Variants in MDFIC2 observed in about 807,000 individuals in gnomAD.
MDFIC2 encodes MyoD family inhibitor domain containing 2, also known as myoD family inhibitor domain-containing protein 2.
At chr3:70,289,003 A>G (rs1181435590) in intron 2 of MDFIC2, among the ~76,000 whole-genome samples, 1 of 152,100 alleles carries the variant, frequency 6.6e-6, no homozygotes, top group East Asian at 1.9e-4. Context: ...TGGGTCTTAA[A>G]TCTTTATCCA....
chr3:70,200,424 C>T (rs566040565), intron 3 of MDFIC2, among the ~76,000 whole-genome samples: 1 of 152,300 alleles, frequency 6.6e-6, no homozygotes, highest in African/African-American at 2.4e-5. Context: ...TCCAGCCACA[C>T]TGACTAAATT....
At chr3:70,236,581 G>T (rs1203690524) in intron 2 of MDFIC2, among the ~76,000 whole-genome samples, 3 of 151,972 alleles carry the variant, frequency 2.0e-5, no homozygotes, top group African/African-American at 7.2e-5. Flanking sequence ...CCTGTAAATT[G>T]ACCCTTATTT....
intron 2 of MDFIC2, among the ~76,000 whole-genome samples, chr3:70,296,017 A>G (rs1480524293): frequency 1.3e-5 from 2 of 152,188 alleles, no homozygotes; most frequent in Admixed American, 1.3e-4. Context: ...AACTGTGGCT[A>G]ACATGCATTA....
chr3:70,287,840 T>C (rs1346552490), intron 2 of MDFIC2, among the ~76,000 whole-genome samples: 3 of 151,678 alleles, frequency 2.0e-5, no homozygotes, highest in Non-Finnish European at 4.4e-5. Context: ...TCTAGTTTAT[T>C]TGCGTAGAGG....
chr3:70,223,105 C>T (rs1203834870), intron 2 of MDFIC2, among the ~76,000 whole-genome samples: 1 of 152,042 alleles, frequency 6.6e-6, no homozygotes, highest in Non-Finnish European at 1.5e-5. Flanking sequence ...TATGGCCAAC[C>T]CTCTGACACC....
intron 2 of MDFIC2, among the ~76,000 whole-genome samples, chr3:70,229,771 C>T (rs1008731081): frequency 6.6e-6 from 1 of 152,132 alleles, no homozygotes; most frequent in African/African-American, 2.4e-5. Flanking sequence ...TATCTATCTG[C>T]ATTGAGATTT....
chr3:70,245,671 T>A (rs1369568285), intron 2 of MDFIC2, among the ~76,000 whole-genome samples: 10 of 57,236 alleles, frequency 1.7e-4, no homozygotes, highest in South Asian at 8.0e-4. Flanking sequence ...GCAAACTGCT[T>A]TATATATATA....
chr3:70,255,139 A>T (rs182171813), intron 2 of MDFIC2, among the ~76,000 whole-genome samples: 1 of 152,340 alleles, frequency 6.6e-6, no homozygotes, highest in East Asian at 1.9e-4. Context: ...TTCTTAAACC[A>T]TGCTGCTCCT....
At chr3:70,287,704 G>A (rs1702181162) in intron 2 of MDFIC2, among the ~76,000 whole-genome samples, 1 of 151,834 alleles carries the variant, frequency 6.6e-6, no homozygotes, top group African/African-American at 2.4e-5. Context: ...CTTTTTGGTT[G>A]GTAAGCTATT....
At chr3:70,241,295 G>A (rs1701665894) in intron 2 of MDFIC2, among the ~76,000 whole-genome samples, 1 of 152,086 alleles carries the variant, frequency 6.6e-6, no homozygotes, top group Admixed American at 6.6e-5. Context: ...GCAAATTATT[G>A]CTGGAACTCA....
intron 2 of MDFIC2, among the ~76,000 whole-genome samples, chr3:70,295,426 A>G (rs573516009): frequency 7.9e-5 from 12 of 152,326 alleles, no homozygotes; most frequent in Non-Finnish European, 4.4e-5. Flanking sequence ...ATGAAAGCCC[A>G]GACATGGTGG....
chr3:70,279,688 G>A (rs1702062236), intron 2 of MDFIC2, among the ~76,000 whole-genome samples: 1 of 152,164 alleles, frequency 6.6e-6, no homozygotes. Context: ...ATTTACAGAT[G>A]CAAACACACA....
At chr3:70,229,308 T>A (rs995238968) in intron 2 of MDFIC2, among the ~76,000 whole-genome samples, 1 of 152,184 alleles carries the variant, frequency 6.6e-6, no homozygotes, top group African/African-American at 2.4e-5. Context: ...AGTGCCTATA[T>A]TAGGAATATT....
chr3:70,273,355 A>G (rs1265216742), intron 2 of MDFIC2, among the ~76,000 whole-genome samples: 1 of 152,170 alleles, frequency 6.6e-6, no homozygotes, highest in East Asian at 1.9e-4. Context: ...TTTTCTTCGT[A>G]AAAATGAGAT....
At chr3:70,248,847 T>A (rs1175019533) in intron 2 of MDFIC2, among the ~76,000 whole-genome samples, 1 of 152,122 alleles carries the variant, frequency 6.6e-6, no homozygotes, top group Admixed American at 6.6e-5. Flanking sequence ...GTGGCCTACA[T>A]GACTCAATTG....
intron 2 of MDFIC2, among the ~76,000 whole-genome samples, chr3:70,284,549 A>T (rs1018728133): frequency 6.6e-6 from 1 of 152,300 alleles, no homozygotes; most frequent in East Asian, 1.9e-4. Flanking sequence ...CATATACACC[A>T]CGGAATACTA....
chr3:70,291,474 C>G (rs1702239211), intron 2 of MDFIC2, among the ~76,000 whole-genome samples: 2 of 152,266 alleles, frequency 1.3e-5, no homozygotes, highest in South Asian at 2.1e-4. Flanking sequence ...TTGTCTATAG[C>G]TCTGTTCTTC....
At chr3:70,307,614 G>A (rs770497150) in intron 2 of MDFIC2, among the ~76,000 whole-genome samples, 29 of 151,476 alleles carry the variant, frequency 1.9e-4, no homozygotes, top group African/African-American at 2.9e-4. Context: ...TATTTTTCTC[G>A]CTTCAAGGCT....
chr3:70,219,970 A>G (rs2106736012), intron 2 of MDFIC2, among the ~76,000 whole-genome samples: 1 of 152,282 alleles, frequency 6.6e-6, no homozygotes, highest in East Asian at 1.9e-4. Context: ...AGTGTGCTCC[A>G]CTGCCTAAAA....
Sources: allele counts gnomAD v4.1 joint callset (sites outside exome capture counted in the v4.1 genomes callset), GRCh38; gene constraint gnomAD v4.1.1; transcripts MANE v1.5; gene names NCBI Gene and HGNC (gene_info 2026-07-23, HGNC 2026-07-21).